The following MEGF11 variants were observed in gnomAD, a reference collection of about 807,000 sequenced individuals.
The protein encoded by MEGF11 is multiple epidermal growth factor-like domains protein 11.
A neutral mutation model predicts 146.6 loss-of-function variants in MEGF11; 126 were observed. The ratio of observed to expected loss-of-function variants is 0.86; its 90% CI spans 0.74 to 1.00. The LOEUF (loss-of-function observed/expected upper bound fraction) is 1.00. MEGF11 is among the 50% of genes least tolerant of loss of function. The probability of loss-of-function intolerance (pLI) is 0.00; values close to 1 mark genes in which losing one functional copy is unlikely to be tolerated. For synonymous variants in MEGF11, 532 were observed against 583.4 expected, an observed-to-expected ratio of 0.91 and a Z score of 1.27; for missense variants, 1,509 against 1,521.2, an observed-to-expected ratio of 0.99 and a Z score of 0.13.
rs115987304 is a variant in MEGF11, at chr15:65,979,756, G to A, written c.762+1022C>T. Among the ~76,000 whole-genome samples the A allele has an allele frequency of 2.3e-3, 348 of 152,310 alleles. 2 individuals are homozygous for A. The highest frequency in any genetic ancestry group is 8.2e-3 in the African/African-American group (339 of 41,560). On this transcript the variant is annotated intron_variant, in intron 7 of 25. Transcript: ENST00000395614. Reference sequence around the variant, plus strand: ...GGCTTCAGAGTTTGCAAAAGACTTTGGACATGCACAGCCTCACATGAGCCA... The same window carrying A: ...GGCTTCAGAGTTTGCAAAAGACTTTAGACATGCACAGCCTCACATGAGCCA...
At chr15:65,920,161 T>C (rs2079130820) in intron 15 of MEGF11, among the ~76,000 whole-genome samples, 1 of 152,218 alleles carries the variant, frequency 6.6e-6, no homozygotes, top group South Asian at 2.1e-4. Flanking sequence ...GCAAACTCTC[T>C]GTTTCCTCAT....
Position 65,964,910 on chromosome 15 carries a change from G to T in MEGF11, c.1110C>A (p.Ile370=). 1 of 1,559,196 alleles carries T rather than the reference G, an allele frequency of 6.4e-7. No homozygotes were observed. The highest frequency in any genetic ancestry group is 8.7e-7 in the Non-Finnish European group (1 of 1,150,228). Residue 370 remains isoleucine (I), a splice_region_variant and synonymous_variant, in exon 9 of 26, where the codon ATC becomes ATA. Transcript: ENST00000395614. ...LPCPCDADNT[I]SCHPVTGACT... is the part of the protein sequence containing the mutation. ...GCTCGCCCATTCCCAGCTCATACCT[G>T]ATGGTGTTGTCAGCGTCACAGGGGC...
Position 66,033,488 on chromosome 15 carries a change from G to C in MEGF11, c.395-51000C>G, listed in dbSNP as rs192149353. Among the ~76,000 whole-genome samples the C allele has an allele frequency of 5.4e-4, 82 of 152,372 alleles. No individual in the cohort carries two copies. The Middle Eastern group carries it at 0.01, about 19-fold the overall frequency. Reference sequence around the variant, plus strand: ...TGCAGCTTTGGCCATCACTCTGGAGGGAACAGGCAGTAAGCCTTGGTGGCG... The same window carrying C: ...TGCAGCTTTGGCCATCACTCTGGAGCGAACAGGCAGTAAGCCTTGGTGGCG... On this transcript the variant is annotated intron_variant, in intron 5 of 25. Transcript: ENST00000395614.
intron 8 of MEGF11, among the ~76,000 whole-genome samples, chr15:65,970,289 G>A (rs1197877075): frequency 2.0e-5 from 3 of 152,220 alleles, no homozygotes. Context: ...AGAGTAGAGA[G>A]TGGGGGCAGG....
At chr15:65,955,755 A>ATAT (rs1567174814) in intron 10 of MEGF11, among the ~76,000 whole-genome samples, 2 of 13,842 alleles carry the variant, frequency 1.4e-4, no homozygotes. Context: ...AAAAAAAAAA[A>ATAT]AAAAAAATAT....
Position 65,928,496 on chromosome 15 carries a change from T to G in MEGF11, c.1604A>C (p.His535Pro). ...TCCATCAGCATGGCTGCAGTCACAG[T>G]GTTCACTGCAGTTCAGCCCAAATGT... ...DGTFGLNCSE[H>P]CDCSHADGCD... Residue 535 changes from histidine (H) to proline (P), a missense_variant, in exon 13 of 26, where the codon CAC (histidine) becomes CCC (proline). Transcript: ENST00000395614. 6.2e-7 allele frequency: 1 copy of G among 1,606,248 alleles called. No individual in the cohort carries two copies. Among genetic ancestry groups the G allele is most frequent in the Non-Finnish European group, 8.5e-7 (1 of 1,175,216 alleles).
At chr15:66,059,951 CAGA>C (rs1271289542) in intron 5 of MEGF11, among the ~76,000 whole-genome samples, 1 of 152,038 alleles carries the variant, frequency 6.6e-6, no homozygotes, top group African/African-American at 2.4e-5. Flanking sequence ...TTGGGCAGCA[CAGA>C]AGGACAGGGA....
intron 5 of MEGF11, among the ~76,000 whole-genome samples, chr15:66,088,134 A>G (rs902241820): frequency 3.3e-5 from 5 of 152,234 alleles, no homozygotes; most frequent in African/African-American, 1.2e-4. Context: ...AGGAAGAATT[A>G]GATACCCTGA....
intron 4 of MEGF11, among the ~76,000 whole-genome samples, chr15:66,116,144 C>T (rs138494944): frequency 2.0e-4 from 30 of 152,280 alleles, no homozygotes; most frequent in Non-Finnish European, 4.0e-4. Flanking sequence ...CCCCTGACGG[C>T]GTCATTGCAA....
intron 1 of MEGF11, among the ~76,000 whole-genome samples, chr15:66,196,734 C>T (rs578083696): frequency 1.3e-5 from 2 of 152,268 alleles, no homozygotes; most frequent in Admixed American, 6.5e-5. Flanking sequence ...CCTGTGGCAA[C>T]TGTAGGTGTA....
At chr15:66,190,728 A>AC (rs984568662) in intron 1 of MEGF11, among the ~76,000 whole-genome samples, 7 of 151,300 alleles carry the variant, frequency 4.6e-5, no homozygotes, top group Admixed American at 2.0e-4. Flanking sequence ...GCCTCCATTC[A>AC]CCCCCCACAG....
At chr15:65,946,658 G>T (rs1364966841) in intron 10 of MEGF11, among the ~76,000 whole-genome samples, 1 of 152,204 alleles carries the variant, frequency 6.6e-6, no homozygotes, top group African/African-American at 2.4e-5. Flanking sequence ...CTCCCAAAGT[G>T]CTGGGATTAC....
rs545760490 is a variant in MEGF11 at position 65,929,667 on chromosome 15, A to G, written c.1572+53T>C. On this transcript the variant is annotated intron_variant, in intron 12 of 25. Coordinates refer to ENST00000395614, the MANE Select transcript of MEGF11 (RefSeq NM_001385028.1). ...TTGTGGACGAACTAACACCAGGGAA[A>G]GGGCGTGAGGGGATGCGGAGCCCAA... 5 of 1,518,456 alleles carry G rather than the reference A, an allele frequency of 3.3e-6. No individual in the cohort carries two copies. In the African/African-American group the frequency reaches 5.5e-5, roughly 17 times the overall value. 94.1% of individuals were successfully genotyped at this position (1,518,456 alleles called of 1,614,324 possible).
At chr15:66,126,963 A>T (rs2088381398) in intron 2 of MEGF11, among the ~76,000 whole-genome samples, 1 of 152,172 alleles carries the variant, frequency 6.6e-6, no homozygotes, top group African/African-American at 2.4e-5. Flanking sequence ...GATGTGCACT[A>T]AGGTCCATGA....
At chr15:66,156,564 G>A (rs781677166) in intron 1 of MEGF11, among the ~76,000 whole-genome samples, 50 of 151,938 alleles carry the variant, frequency 3.3e-4, no homozygotes, top group African/African-American at 8.9e-4. Flanking sequence ...CCCGGCCCCC[G>A]AGAGGAGGGA....
intron 5 of MEGF11, among the ~76,000 whole-genome samples, chr15:66,000,980 GCT>G (rs2082349509): frequency 6.6e-6 from 1 of 152,176 alleles, no homozygotes; most frequent in Non-Finnish European, 1.5e-5. Context: ...TGGGCAAAAG[GCT>G]GGAGGCAGAA....
intron 8 of MEGF11, among the ~76,000 whole-genome samples, chr15:65,968,125 G>T (rs947376991): frequency 6.6e-6 from 1 of 152,060 alleles, no homozygotes; most frequent in African/African-American, 2.4e-5. Context: ...GGAAGAGGAG[G>T]CAAGAAAGAA....
chr15:66,024,083 G>A (rs1013915017), intron 5 of MEGF11, among the ~76,000 whole-genome samples: 1 of 152,166 alleles, frequency 6.6e-6, no homozygotes, highest in African/African-American at 2.4e-5. Flanking sequence ...GGGTGGGGCT[G>A]GTTCGTTCCT....
intron 7 of MEGF11, among the ~76,000 whole-genome samples, chr15:65,978,967 G>A (rs2081543689): frequency 6.7e-6 from 1 of 148,224 alleles, no homozygotes; most frequent in Non-Finnish European, 1.5e-5. Flanking sequence ...TTAAAGCTGG[G>A]AAACCCTGTT....
Sources: gnomAD v4.1 joint callset for allele counts (sites outside exome capture counted in the v4.1 genomes callset) on GRCh38, gnomAD v4.1.1 for gene constraint, MANE v1.5 for transcripts, NCBI Gene and HGNC (gene_info 2026-07-23, HGNC 2026-07-21) for gene names.